Variants in ZNF248 observed in about 807,000 individuals in gnomAD.
ZNF248 encodes the protein KRAB protein domain.
A neutral mutation model predicts 44.3 loss-of-function variants in ZNF248; 20 were observed. The ratio of observed to expected loss-of-function variants is 0.45; its 90% CI spans 0.32 to 0.66. The LOEUF (loss-of-function observed/expected upper bound fraction) is 0.66. Among genes scored for constraint, ZNF248 ranks in the 30% least tolerant of loss-of-function variants. The pLI is 0.04. For missense variants in ZNF248, 654 were observed against 677.0 expected (o/e 0.97, Z 0.38); for synonymous variants, 224 against 229.0 (o/e 0.98, Z 0.20).
downstream of ZNF248, among the ~76,000 whole-genome samples, chr10:37,826,534 T>G (rs2054420089): frequency 6.6e-6 from 1 of 152,236 alleles, no homozygotes; most frequent in African/African-American, 2.4e-5. Flanking sequence ...CCACTAACAT[T>G]ACCAGTTTGA....
chr10:37,833,045 G>A lies in ZNF248; in HGVS notation c.310C>T (p.Leu104=), dbSNP rs779260528. Residue 104 remains leucine, a synonymous_variant, in exon 6 of 6, where the codon CTA becomes TTA. Transcript: ENST00000395867. ...ENEDDHFWEL[L]FHNNKTVSVE... ...CTTACTGTTTTGTTGTTGTGGAATA[G>A]AAGCTCCCAAAAATGGTCATCTTCA... is the stretch of plus-strand genomic sequence containing the variant. 1 of 1,612,248 alleles carries A rather than the reference G, an allele frequency of 6.2e-7. No homozygotes were observed. Among genetic ancestry groups the A allele is most frequent in the African/African-American group, 1.3e-5 (1 of 74,876 alleles).
chr10:37,828,913 T>A lies in ZNF248; in HGVS notation c.*2702A>T. 1.0e-6 allele frequency: 1 copy of A among 985,418 alleles called. No homozygotes were observed. Among genetic ancestry groups the A allele is most frequent in the African/African-American group, 1.7e-5 (1 of 57,344 alleles). The allele number at this position is 985,418 out of a possible 1,614,324, so 61.0% of individuals were successfully genotyped here. A position where few individuals can be genotyped will look rare whatever the true frequency, so the allele number is the denominator to read the frequency against. ...TGAAGGAGAGACATACCTGTGTAGT[T>A]CCAAAGGGAGTTTACTTATGCTAAC... is the stretch of plus-strand genomic sequence containing the variant. On this transcript the variant is annotated 3_prime_UTR_variant, in exon 6 of 6. Coordinates refer to ENST00000395867, the MANE Select transcript of ZNF248 (RefSeq NM_021045.3).
intron 3 of ZNF248, among the ~76,000 whole-genome samples, chr10:37,843,106 A>G (rs1223114308): frequency 1.3e-5 from 2 of 152,204 alleles, no homozygotes; most frequent in African/African-American, 2.4e-5. Context: ...GCTAAGGAAC[A>G]GAGACTTCAG....
In ZNF248 at chr10:37,823,333, C is replaced by CAA. The variant is rs60957023; in HGVS notation, c.330+9690_330+9691dup. On this transcript the variant is annotated intron_variant, in intron 6 of 6. Coordinates refer to the ZNF248 transcript ENST00000615949. ...TGGTGACAGAGCGAGACTCCGTCTC[C>CAA]AAAAAAAAAAAAAAAAAAAAAAAAA... Among the ~76,000 whole-genome samples, 12 of 17,532 alleles carry CAA rather than the reference C, an allele frequency of 6.8e-4. 3 individuals carry two copies. The highest frequency in any genetic ancestry group is 6.9e-4 in the African/African-American group (3 of 4,342). The allele number at this position is 17,532 out of a possible 152,430, so 11.5% of individuals were successfully genotyped here.
chr10:37,805,901 A>G (rs1051525032), intron 6 of ZNF248, among the ~76,000 whole-genome samples: 1 of 152,196 alleles, frequency 6.6e-6, no homozygotes, highest in African/African-American at 2.4e-5. Context: ...AGATTCTTGC[A>G]TTTGCAGGAC....
chr10:37,770,260 T>G, the ZNF248 span, among the ~76,000 whole-genome samples: 6 of 152,112 alleles, frequency 3.9e-5, no homozygotes, highest in African/African-American at 1.2e-4. Context: ...CTTCACAGAA[T>G]TGGAAAAAAC....
chr10:37,846,590 G>A (rs2059354625), intron 3 of ZNF248, among the ~76,000 whole-genome samples: 1 of 152,132 alleles, frequency 6.6e-6, no homozygotes, highest in African/African-American at 2.4e-5. Context: ...AGGCTGGAGT[G>A]AGCCATGACT....
chr10:37,835,663 G>A (rs2057010135), intron 5 of ZNF248, among the ~76,000 whole-genome samples: 1 of 152,100 alleles, frequency 6.6e-6, no homozygotes, highest in Non-Finnish European at 1.5e-5. Flanking sequence ...AAGAGCAAGA[G>A]GAGAACGAGA....
intron 6 of ZNF248, among the ~76,000 whole-genome samples, chr10:37,800,934 G>A (rs926002431): frequency 6.6e-6 from 1 of 151,542 alleles, no homozygotes; most frequent in Admixed American, 6.6e-5. Flanking sequence ...GCTAATTTTT[G>A]TATTTTTAGT....
chr10:37,837,544 G>C lies in ZNF248; in HGVS notation c.238+73C>G, dbSNP rs1443443410. 3.2e-6 allele frequency: 4 copies of C among 1,259,200 alleles called. No individual in the cohort carries two copies. The East Asian group carries it at 9.3e-5, about 29-fold the overall frequency. 78.0% of individuals were successfully genotyped at this position (1,259,200 alleles called of 1,614,324 possible). On this transcript the variant is annotated intron_variant, in intron 5 of 5. Coordinates refer to ENST00000395867, the MANE Select transcript of ZNF248 (RefSeq NM_021045.3). ...GACATTTGTGAAAAATATTCCAAAG[G>C]TGACAAATCCTAAACCAATTACCTA...
At chr10:37,789,933 A>T (rs1048513829) in intron 6 of ZNF248, among the ~76,000 whole-genome samples, 1 of 152,170 alleles carries the variant, frequency 6.6e-6, no homozygotes, top group African/African-American at 2.4e-5. Context: ...GGATGAATGA[A>T]CCACAAGCTT....
Position 37,831,503 on chromosome 10 carries a change from T to C in ZNF248, c.*112A>G. 3 of 1,472,168 alleles carry C rather than the reference T, an allele frequency of 2.0e-6. No individual in the cohort carries two copies. Among genetic ancestry groups the C allele is most frequent in the Non-Finnish European group, 2.7e-6 (3 of 1,113,564 alleles). The allele number at this position is 1,472,168 out of a possible 1,614,324, so 91.2% of individuals were successfully genotyped here. On this transcript the variant is annotated 3_prime_UTR_variant, in exon 6 of 6. Transcript: ENST00000395867. ...TTAATTTTTCTTGAAAGCTTTTACA[T>C]ATTCAAACAAGAAGTCATTTTCTAC...
intron 6 of ZNF248, among the ~76,000 whole-genome samples, chr10:37,807,108 C>G (rs996270201): frequency 6.6e-6 from 1 of 152,040 alleles, no homozygotes; most frequent in Non-Finnish European, 1.5e-5. Context: ...CTCAGCCTCC[C>G]GAGTAGCTGG....
chr10:37,769,935 C>T, the ZNF248 span, among the ~76,000 whole-genome samples: 1 of 152,254 alleles, frequency 6.6e-6, no homozygotes, highest in African/African-American at 2.4e-5. Flanking sequence ...TCTCAGGATA[C>T]AAAATCAATG....
At chr10:37,847,205 T>G (rs1221616361) in intron 3 of ZNF248, among the ~76,000 whole-genome samples, 1 of 152,090 alleles carries the variant, frequency 6.6e-6, no homozygotes, top group African/African-American at 2.4e-5. Flanking sequence ...CTTTTTATTT[T>G]TATTTTTATT....
rs549164170 is a variant in ZNF248, at chr10:37,833,004, A to G, written c.351T>C (p.Asp117=). The G allele has an allele frequency of 2.5e-6, 4 of 1,613,694 alleles. No individual in the cohort carries two copies. Among genetic ancestry groups the G allele is most frequent in the African/African-American group, 1.3e-5 (1 of 75,010 alleles). ...CCAAATTGAAAGTTTTGCTTCCTCT[A>G]TCTCCATTTTCTACACTTACTGTTT... ...NNKTVSVENG[D]RGSKTFNLGT... The change falls in exon 6 of 6, where the codon GAT becomes GAC. Residue 117 remains aspartate (D), a synonymous_variant. Transcript: ENST00000395867.
chr10:37,856,140 T>TG (rs2061243953), intron 3 of ZNF248, among the ~76,000 whole-genome samples, 156 bp downstream of exon 3: 1 of 152,238 alleles, frequency 6.6e-6, no homozygotes. Context: ...GCATCTAATT[T>TG]GCCAACTGCA....
the ZNF248 span, among the ~76,000 whole-genome samples, chr10:37,764,484 G>C: frequency 6.6e-6 from 1 of 152,146 alleles, no homozygotes; most frequent in Non-Finnish European, 1.5e-5. Context: ...TGTGAAGCAT[G>C]TGATCTCTGT....
downstream of ZNF248, chr10:37,775,644 C>T (rs559928096): frequency 7.9e-5 from 12 of 152,262 alleles, no homozygotes; most frequent in African/African-American, 2.9e-4. Flanking sequence ...TCCTAATGGT[C>T]AATTTCATTT....
Sources: allele counts gnomAD v4.1 joint callset (sites outside exome capture counted in the v4.1 genomes callset), GRCh38; gene constraint gnomAD v4.1.1; transcripts MANE v1.5; gene names NCBI Gene and HGNC (gene_info 2026-07-23, HGNC 2026-07-21).